Variants in MYO1D observed in about 807,000 individuals in gnomAD.
MYO1D encodes the protein unconventional myosin-Id.
MYO1D carries 83 observed loss-of-function variants against 122.0 expected under a neutral mutation model. The observed-to-expected ratio is 0.68, with a 90% CI of 0.57 to 0.82. The LOEUF (loss-of-function observed/expected upper bound fraction) is 0.82. MYO1D is among the 40% of genes least tolerant of loss of function. The probability of loss-of-function intolerance (pLI) is 0.00; values close to 1 mark genes in which losing one functional copy is unlikely to be tolerated. For synonymous variants in MYO1D, 464 were observed against 446.9 expected, an observed-to-expected ratio of 1.04 and a Z score of -0.48; for missense variants, 1,157 against 1,269.5, an observed-to-expected ratio of 0.91 and a Z score of 1.35.
At chr17:32,639,327 A>G (rs1470213161) in intron 19 of MYO1D, among the ~76,000 whole-genome samples, 1 of 151,140 alleles carries the variant, frequency 6.6e-6, no homozygotes, top group Non-Finnish European at 1.5e-5. Flanking sequence ...TAATGATATA[A>G]AGAAAATAAA....
At chr17:32,526,783 G>T (rs1910357319) in intron 21 of MYO1D, among the ~76,000 whole-genome samples, 1 of 152,180 alleles carries the variant, frequency 6.6e-6, no homozygotes, top group South Asian at 2.1e-4. Context: ...TTCCCAAAGT[G>T]CTGGGACTAG....
intron 20 of MYO1D, among the ~76,000 whole-genome samples, chr17:32,625,599 G>A (rs1452201250): frequency 6.6e-6 from 1 of 152,054 alleles, no homozygotes; most frequent in Non-Finnish European, 1.5e-5. Context: ...GCCCAGGCTG[G>A]AGTGCAATGG....
intron 1 of MYO1D, among the ~76,000 whole-genome samples, chr17:32,794,457 C>T (rs2151038484): frequency 6.6e-6 from 1 of 152,074 alleles, no homozygotes; most frequent in East Asian, 1.9e-4. Flanking sequence ...TTATGGCATG[C>T]CTAATTTTAA....
intron 16 of MYO1D, among the ~76,000 whole-genome samples, chr17:32,699,105 C>T (rs2089212453): frequency 6.6e-6 from 1 of 152,000 alleles, no homozygotes; most frequent in Non-Finnish European, 1.5e-5. Flanking sequence ...GCTGGGATTA[C>T]AGGTTTGTGT....
At chr17:32,800,734 G>T (rs2090453874) in intron 1 of MYO1D, among the ~76,000 whole-genome samples, 1 of 151,932 alleles carries the variant, frequency 6.6e-6, no homozygotes, top group African/African-American at 2.4e-5. Flanking sequence ...CAGAAACAGG[G>T]TCCCACTCTG....
intron 21 of MYO1D, among the ~76,000 whole-genome samples, chr17:32,501,089 G>A (rs539768682): frequency 7.9e-5 from 12 of 151,846 alleles, no homozygotes; most frequent in Non-Finnish European, 1.6e-4. Context: ...ATCACCCAGC[G>A]ATTCCACTCC....
intron 21 of MYO1D, among the ~76,000 whole-genome samples, chr17:32,577,817 C>T (rs539144572): frequency 2.0e-5 from 3 of 151,870 alleles, no homozygotes; most frequent in Non-Finnish European, 4.4e-5. Flanking sequence ...CGGCTCACTG[C>T]AAGCTCTGCC....
intron 1 of MYO1D, among the ~76,000 whole-genome samples, chr17:32,818,107 C>T (rs1297255249): frequency 6.2e-5 from 4 of 64,632 alleles, no homozygotes; most frequent in African/African-American, 2.1e-4. Flanking sequence ...GCCTGGGCGA[C>T]AGAGCGAGAC....
chr17:32,856,437 C>T (rs2091028225), intron 1 of MYO1D, among the ~76,000 whole-genome samples: 1 of 152,176 alleles, frequency 6.6e-6, no homozygotes, highest in Non-Finnish European at 1.5e-5. Flanking sequence ...TCCTTTCCAA[C>T]ACACTTCTTG....
chr17:32,795,351 T>C (rs543306826), intron 1 of MYO1D, among the ~76,000 whole-genome samples: 34 of 152,012 alleles, frequency 2.2e-4, no homozygotes, highest in African/African-American at 7.5e-4. Flanking sequence ...ACATACTTCA[T>C]TGCCCCATTT....
chr17:32,659,644 T>A (rs1206028696), intron 16 of MYO1D, among the ~76,000 whole-genome samples: 1 of 152,238 alleles, frequency 6.6e-6, no homozygotes, highest in Non-Finnish European at 1.5e-5. Flanking sequence ...AATGCAAATA[T>A]CTTTGGATAA....
At chr17:32,700,661 G>A (rs2089235913) in intron 16 of MYO1D, among the ~76,000 whole-genome samples, 1 of 151,956 alleles carries the variant, frequency 6.6e-6, no homozygotes, top group African/African-American at 2.4e-5. Flanking sequence ...ATCAGAAAAT[G>A]GGCTGGGCAC....
At chr17:32,771,051 G>T in intron 6 of MYO1D, 74 bp downstream of exon 6, 1 of 1,150,444 alleles carries the variant, frequency 8.7e-7, no homozygotes, top group South Asian at 1.3e-5. Flanking sequence ...GGCTTGACCA[G>T]ATAATTATTG....
At chr17:32,758,371 CA>C (rs1257241405) in intron 10 of MYO1D, among the ~76,000 whole-genome samples, 3 of 151,834 alleles carry the variant, frequency 2.0e-5, no homozygotes, top group Non-Finnish European at 4.4e-5. Context: ...AACCAGAAGA[CA>C]ATTAAGGAAA....
chr17:32,675,888 T>C (rs1225705147), intron 16 of MYO1D, among the ~76,000 whole-genome samples: 1 of 152,200 alleles, frequency 6.6e-6, no homozygotes, highest in East Asian at 1.9e-4. Flanking sequence ...TACAAAACTA[T>C]ACAGAATCAT....
intron 1 of MYO1D, among the ~76,000 whole-genome samples, chr17:32,875,242 G>T (rs533766616): frequency 1.3e-5 from 2 of 152,226 alleles, no homozygotes; most frequent in South Asian, 4.2e-4. Flanking sequence ...ATTTCCTGTG[G>T]GGGAGAGGAG....
intron 1 of MYO1D, among the ~76,000 whole-genome samples, chr17:32,783,301 ATAATTTTT>A (rs891404932): frequency 3.9e-5 from 6 of 152,194 alleles, no homozygotes; most frequent in African/African-American, 1.4e-4. Flanking sequence ...TTTTCACTGG[ATAATTTTT>A]AGAGCCACTA....
chr17:32,517,799 T>G (rs1351645045), intron 21 of MYO1D, among the ~76,000 whole-genome samples: 1 of 152,250 alleles, frequency 6.6e-6, no homozygotes, highest in African/African-American at 2.4e-5. Context: ...ATTATGACAA[T>G]TTTTAAACAT....
At chr17:32,570,883 A>G (rs2087219661) in intron 21 of MYO1D, among the ~76,000 whole-genome samples, 1 of 152,200 alleles carries the variant, frequency 6.6e-6, no homozygotes, top group South Asian at 2.1e-4. Flanking sequence ...GTCTATTAAT[A>G]CTATAGATAT....
Sources: gnomAD v4.1 joint callset for allele counts (sites outside exome capture counted in the v4.1 genomes callset) on GRCh38, gnomAD v4.1.1 for gene constraint, MANE v1.5 for transcripts, NCBI Gene and HGNC (gene_info 2026-07-23, HGNC 2026-07-21) for gene names.